LRRC4C: variants seen among roughly 807,000 people sequenced by gnomAD.
LRRC4C encodes the protein leucine rich repeat containing 4C.
Under a neutral mutation model 33.6 loss-of-function variants are expected in LRRC4C, and 5 were observed. The observed-to-expected ratio is 0.15, with a 90% CI of 0.08 to 0.31. The LOEUF is 0.31. Among genes scored for constraint, LRRC4C ranks in the 10% least tolerant of loss-of-function variants. The pLI is 1.00. For missense variants in LRRC4C, 560 were observed against 796.7 expected, an observed-to-expected ratio of 0.70 and a Z score of 3.58; for synonymous variants, 329 against 302.0, an observed-to-expected ratio of 1.09 and a Z score of -0.93.
At chr11:40,619,941 T>A (rs1049126947) in intron 3 of LRRC4C, among the ~76,000 whole-genome samples, 35 of 151,416 alleles carry the variant, frequency 2.3e-4, no homozygotes, top group African/African-American at 8.5e-4. Flanking sequence ...ATTGTAGGTG[T>A]TTTACATTTT....
At chr11:41,194,271 A>G (rs1476998857) in intron 1 of LRRC4C, among the ~76,000 whole-genome samples, 1 of 152,156 alleles carries the variant, frequency 6.6e-6, no homozygotes, top group Non-Finnish European at 1.5e-5. Flanking sequence ...TAGGTAGACA[A>G]AAGTTAAACA....
At chr11:40,513,510 C>T (rs867879532) in intron 3 of LRRC4C, among the ~76,000 whole-genome samples, 2 of 152,052 alleles carry the variant, frequency 1.3e-5, no homozygotes, top group African/African-American at 4.8e-5. Flanking sequence ...GATAAGTACA[C>T]AGGGCTGCAA....
intron 2 of LRRC4C, among the ~76,000 whole-genome samples, chr11:40,735,582 A>G (rs960597542): frequency 3.0e-5 from 4 of 134,248 alleles, no homozygotes; most frequent in African/African-American, 1.1e-4. Flanking sequence ...GCTTGGTTCC[A>G]AGTCTTTGCT....
intron 3 of LRRC4C, among the ~76,000 whole-genome samples, chr11:40,366,472 G>A (rs7103883): frequency 0.4 from 60,545 of 151,690 alleles, 12,325 homozygotes; most frequent in East Asian, 0.49. Context: ...GTGAGGCTGT[G>A]TATCAGGGAG....
intron 1 of LRRC4C, among the ~76,000 whole-genome samples, chr11:41,170,595 A>G (rs1359367786): frequency 6.6e-6 from 1 of 152,200 alleles, no homozygotes; most frequent in Non-Finnish European, 1.5e-5. Context: ...ACCTTATACA[A>G]AAATTATTTC....
chr11:40,440,128 A>G (rs1467712619), intron 3 of LRRC4C, among the ~76,000 whole-genome samples: 1 of 152,178 alleles, frequency 6.6e-6, no homozygotes, highest in East Asian at 1.9e-4. Flanking sequence ...GTACTGAACT[A>G]TAAGTTACAT....
chr11:41,209,140 C>A (rs1946718794), intron 1 of LRRC4C, among the ~76,000 whole-genome samples: 1 of 151,098 alleles, frequency 6.6e-6, no homozygotes, highest in Non-Finnish European at 1.5e-5. Flanking sequence ...GTACACTAAA[C>A]CGCTGAGTCA....
chr11:40,344,950 G>A (rs1947055052), intron 3 of LRRC4C, among the ~76,000 whole-genome samples: 1 of 152,048 alleles, frequency 6.6e-6, no homozygotes, highest in African/African-American at 2.4e-5. Context: ...TAACCAGGGA[G>A]ATAAAAGATA....
chr11:41,439,547 T>C (rs1199208506), intron 1 of LRRC4C, among the ~76,000 whole-genome samples: 2 of 152,196 alleles, frequency 1.3e-5, no homozygotes, highest in Non-Finnish European at 2.9e-5. Context: ...ATTTTTTTTA[T>C]TTTTTAATAA....
At chr11:40,884,216 G>A (rs1040831069) in intron 2 of LRRC4C, among the ~76,000 whole-genome samples, 7 of 151,790 alleles carry the variant, frequency 4.6e-5, no homozygotes, top group Non-Finnish European at 7.4e-5. Flanking sequence ...TTACAGCTTC[G>A]TCCATTACCC....
chr11:41,352,983 C>T (rs1247280589), intron 1 of LRRC4C, among the ~76,000 whole-genome samples: 2 of 151,968 alleles, frequency 1.3e-5, no homozygotes, highest in African/African-American at 2.4e-5. Context: ...AAGAGCACAT[C>T]AACCCCAATG....
In LRRC4C at chr11:40,481,621, G is replaced by A. The variant is rs1003094906; in HGVS notation, c.-269-161900C>T. 2.0e-4 allele frequency among the ~76,000 whole-genome samples: 31 copies of A among 151,898 alleles called. 1 individual carries two copies. The highest frequency in any genetic ancestry group is 4.6e-4 in the Non-Finnish European group (31 of 67,980). On this transcript the variant is annotated intron_variant, in intron 3 of 6. Transcript: ENST00000528697. The stretch of plus-strand genomic sequence containing the variant: ...GAATATAATATGGAAATTGAATTGG[G>A]TTTTATGGACCCCATACAATACTGA...
chr11:40,686,854 T>G (rs1057375791), intron 2 of LRRC4C, among the ~76,000 whole-genome samples: 2 of 151,950 alleles, frequency 1.3e-5, no homozygotes, highest in African/African-American at 4.8e-5. Flanking sequence ...CCAAGAGACA[T>G]CTTCAGTTTA....
chr11:40,414,691 C>A (rs956324198), intron 3 of LRRC4C, among the ~76,000 whole-genome samples: 17 of 151,828 alleles, frequency 1.1e-4, no homozygotes, highest in African/African-American at 3.9e-4. Flanking sequence ...AGAAACATTC[C>A]CTTTTGGAAC....
chr11:40,724,218 A>T (rs1468001019), intron 2 of LRRC4C, among the ~76,000 whole-genome samples: 1 of 152,208 alleles, frequency 6.6e-6, no homozygotes, highest in African/African-American at 2.4e-5. Flanking sequence ...AAAACTGTCA[A>T]CAAGATTCTG....
intron 3 of LRRC4C, among the ~76,000 whole-genome samples, chr11:40,599,754 G>A (rs1455064444): frequency 1.3e-5 from 2 of 152,118 alleles, no homozygotes; most frequent in East Asian, 1.9e-4. Context: ...GGATAGAAGA[G>A]GTACTTAAGA....
intron 1 of LRRC4C, among the ~76,000 whole-genome samples, chr11:41,310,933 A>T (rs775244669): frequency 5.5e-4 from 84 of 152,240 alleles, no homozygotes; most frequent in Non-Finnish European, 1.8e-4. Flanking sequence ...GGTAGGCTGT[A>T]GATAAATTTA....
At chr11:40,856,596 G>T (rs1953794812) in intron 2 of LRRC4C, among the ~76,000 whole-genome samples, 1 of 152,180 alleles carries the variant, frequency 6.6e-6, no homozygotes. Flanking sequence ...GAATTAAAAT[G>T]CATAAGATAG....
rs576672950 is a variant in LRRC4C, at chr11:40,313,215, A to G, written c.-176+6413T>C. 8.5e-5 allele frequency among the ~76,000 whole-genome samples: 13 copies of G among 152,102 alleles called. No homozygotes were observed. In the East Asian group the frequency reaches 2.1e-3, roughly 25 times the overall value. ...CTCCTCGCCTCCTCCCAGGCCTTTC[A>G]CCATGTTGCTGGCTGCTACAGCCCT... On this transcript the variant is annotated intron_variant, in intron 4 of 6. Coordinates refer to ENST00000528697, the MANE Select transcript of LRRC4C (RefSeq NM_001258419.2).
Sources: allele counts gnomAD v4.1 joint callset (sites outside exome capture counted in the v4.1 genomes callset), GRCh38; gene constraint gnomAD v4.1.1; transcripts MANE v1.5; gene names NCBI Gene and HGNC (gene_info 2026-07-23, HGNC 2026-07-21).